Variants in COLEC11 observed in about 807,000 individuals in gnomAD.
The protein encoded by COLEC11 is collectin-11.
Under a neutral mutation model 27.3 loss-of-function variants are expected in COLEC11, and 20 were observed. The ratio of observed to expected loss-of-function variants is 0.73; its 90% CI spans 0.51 to 1.06. The LOEUF (loss-of-function observed/expected upper bound fraction) is 1.06. COLEC11 is among the 50% of genes least tolerant of loss of function. The probability of loss-of-function intolerance (pLI) is 0.00; values close to 1 mark genes in which losing one functional copy is unlikely to be tolerated. For synonymous variants in COLEC11, 163 were observed against 154.7 expected, an observed-to-expected ratio of 1.05 and a Z score of -0.40; for missense variants, 310 against 383.0, an observed-to-expected ratio of 0.81 and a Z score of 1.59.
rs374285064 is a variant in COLEC11 at position 3,602,330 on chromosome 2, C to T, written c.-26-1985C>T. 3.3e-4 allele frequency among the ~76,000 whole-genome samples: 50 copies of T among 152,240 alleles called. No homozygotes were observed. The highest frequency in any genetic ancestry group is 3.3e-3 in the East Asian group (17 of 5,178). On this transcript the variant is annotated intron_variant, in intron 1 of 6. Coordinates refer to ENST00000349077, the MANE Select transcript of COLEC11 (RefSeq NM_024027.5). This position sits in a 1 kb window ranked among gnomAD's most constrained non-coding sequence, Gnocchi z 6.2. The stretch of plus-strand genomic sequence containing the variant: ...ATAGGAGTCTATAGTGTCTCAGACT[C>T]GGAAAGTTGAACCCGAGCCCCTGAC...
intron 1 of COLEC11, among the ~76,000 whole-genome samples, chr2:3,596,389 T>G (rs1398274087): frequency 2.1e-5 from 3 of 144,910 alleles, no homozygotes; most frequent in Non-Finnish European, 4.5e-5. Flanking sequence ...CAGGCTGGAG[T>G]GCAATGGCAC....
chr2:3,617,719 C>CCGTT, intron 3 of COLEC11: 1 of 1,551,576 alleles, frequency 6.4e-7, no homozygotes, highest in Non-Finnish European at 8.9e-7. Flanking sequence ...CGTGCGAGAA[C>CCGTT]GAGAGAAGTC....
intron 3 of COLEC11, among the ~76,000 whole-genome samples, chr2:3,629,181 A>T (rs1664790329): frequency 6.6e-6 from 1 of 152,234 alleles, no homozygotes. Flanking sequence ...TTTCCAAGAG[A>T]AGTCTTCAAG....
intron 1 of COLEC11, among the ~76,000 whole-genome samples, chr2:3,596,464 G>A (rs1661848894): frequency 1.3e-5 from 2 of 151,592 alleles, no homozygotes; most frequent in South Asian, 2.1e-4. Context: ...AGCTTCCTGA[G>A]TAGCTGGGAT....
At position 3,613,446 on chromosome 2, in the gene COLEC11, C is replaced by T. The variant is rs115992461; in HGVS notation, c.202+64C>T. On this transcript the variant is annotated intron_variant, in intron 3 of 6. Transcript: ENST00000349077. ...ATGGAGGCACCGCTCCTGCTAGAGC[C>T]GGGTGGGGAGGTGGGGGTGGTGGTT... 5.1e-3 allele frequency: 7,269 copies of T among 1,417,040 alleles called. 245 individuals carry two copies. The African/African-American group carries it at 0.083, about 16-fold the overall frequency. The allele number at this position is 1,417,040 out of a possible 1,614,324, so 87.8% of individuals were successfully genotyped here.
At chr2:3,620,190 C>G (rs1664081013) in intron 3 of COLEC11, among the ~76,000 whole-genome samples, 1 of 151,936 alleles carries the variant, frequency 6.6e-6, no homozygotes, top group Admixed American at 6.6e-5. Flanking sequence ...CTACCAGGTC[C>G]TGGGCCTTTC....
Position 3,644,209 on chromosome 2 carries a change from T to A in COLEC11, c.*91T>A, listed in dbSNP as rs780169464. 6.5e-7 allele frequency: 1 copy of A among 1,528,052 alleles called. No homozygotes were observed. Among genetic ancestry groups the A allele is most frequent in the Admixed American group, 1.7e-5 (1 of 59,334 alleles). The allele number at this position is 1,528,052 out of a possible 1,614,324, so 94.7% of individuals were successfully genotyped here. A position where few individuals can be genotyped will look rare whatever the true frequency, so the allele number is the denominator to read the frequency against. On this transcript the variant is annotated 3_prime_UTR_variant, in exon 7 of 7. Transcript: ENST00000349077. Reference sequence around the variant, plus strand: ...CAGACCATGGTGCCAGCCAGGGAGCTGTCCCTCTGTGAAGGGTGGAGGCTC... The same window carrying A: ...CAGACCATGGTGCCAGCCAGGGAGCAGTCCCTCTGTGAAGGGTGGAGGCTC...
At chr2:3,605,568 GCTGAGGAGGGGAGGGGAGTCACGTGGGTC>G (rs1193959381) in intron 2 of COLEC11, 1 of 117,044 alleles carries the variant, frequency 8.5e-6, no homozygotes, top group Non-Finnish European at 1.8e-5. Flanking sequence ...TCACGTGGGT[GCTGAGGAGGGGAGGGGAGTCACGTGGGTC>G]CTGAGGAGGG....
intron 3 of COLEC11, chr2:3,626,196 G>A (rs1664539877): frequency 2.1e-6 from 2 of 973,146 alleles, no homozygotes; most frequent in Non-Finnish European, 3.3e-6. Context: ...CAGAACTGGA[G>A]CAGAAGCCCC....
intron 3 of COLEC11, among the ~76,000 whole-genome samples, chr2:3,628,762 A>T (rs72769344): frequency 6.6e-6 from 1 of 152,252 alleles, no homozygotes; most frequent in Non-Finnish European, 1.5e-5. Context: ...TCTCCACTTC[A>T]GAGGACTGTG....
At chr2:3,603,635 C>T (rs73138818) in intron 1 of COLEC11, 23,902 of 1,550,792 alleles carry the variant, frequency 0.015, 451 homozygotes, top group African/African-American at 0.064. Flanking sequence ...CAAGTTGTAA[C>T]GCCCTTCACG....
chr2:3,610,956 T>G (rs967359003), intron 2 of COLEC11, among the ~76,000 whole-genome samples: 2 of 152,198 alleles, frequency 1.3e-5, no homozygotes, highest in Non-Finnish European at 2.9e-5. Context: ...CATTTTCTCT[T>G]TATTCTTGGT....
At chr2:3,600,221 C>T (rs1213046209) in intron 1 of COLEC11, among the ~76,000 whole-genome samples, 1 of 137,368 alleles carries the variant, frequency 7.3e-6, no homozygotes, top group African/African-American at 2.8e-5. Context: ...GGTGACAGTG[C>T]GAGACTCTGT....
intron 3 of COLEC11, among the ~76,000 whole-genome samples, chr2:3,613,802 C>G (rs115960757): frequency 0.024 from 3,608 of 152,100 alleles, 151 homozygotes; most frequent in African/African-American, 0.08. Flanking sequence ...CTGCCTGCCT[C>G]GTGGGACTGT....
chr2:3,598,141 G>A (rs1223187331), intron 1 of COLEC11, among the ~76,000 whole-genome samples: 2 of 152,046 alleles, frequency 1.3e-5, no homozygotes, highest in East Asian at 1.9e-4. Flanking sequence ...TCACCATGTT[G>A]GCCAGGCTGG....
intron 5 of COLEC11, among the ~76,000 whole-genome samples, chr2:3,642,620 T>G (rs1463136454): frequency 6.6e-6 from 1 of 152,148 alleles, no homozygotes; most frequent in African/African-American, 2.4e-5. Flanking sequence ...CGGCCTCACG[T>G]GTGCAGCTCC....
chr2:3,601,548 C>T (rs562445454), intron 1 of COLEC11, among the ~76,000 whole-genome samples: 1 of 152,292 alleles, frequency 6.6e-6, no homozygotes, highest in South Asian at 2.1e-4. Context: ...CTGGCCTTGG[C>T]CTTCCAAAGT....
At chr2:3,642,509 C>G (rs1665943996) in intron 5 of COLEC11, among the ~76,000 whole-genome samples, 1 of 152,108 alleles carries the variant, frequency 6.6e-6, no homozygotes, top group African/African-American at 2.4e-5. Flanking sequence ...CCGGCTTCAT[C>G]CCTCCCTCCC....
intron 3 of COLEC11, among the ~76,000 whole-genome samples, chr2:3,636,061 G>A (rs10210631): frequency 0.14 from 20,902 of 152,214 alleles, 1,615 homozygotes; most frequent in East Asian, 0.32. Flanking sequence ...CATCTGCTTC[G>A]CAAAACAAGA....
Sources: allele counts gnomAD v4.1 joint callset (sites outside exome capture counted in the v4.1 genomes callset), GRCh38; gene constraint gnomAD v4.1.1; non-coding constraint Gnocchi (gnomAD v3.1); transcripts MANE v1.5; gene names NCBI Gene and HGNC (gene_info 2026-07-23, HGNC 2026-07-21).